Variants in TM4SF4 observed in about 807,000 individuals in gnomAD.
The protein encoded by TM4SF4 is transmembrane 4 L six family member 4.
Under a neutral mutation model 24.1 loss-of-function variants are expected in TM4SF4, and 24 were observed. The observed-to-expected ratio is 1.00, with a 90% CI of 0.72 to 1.40. The LOEUF (loss-of-function observed/expected upper bound fraction) is 1.40. Ranked by LOEUF, TM4SF4 falls within the 40% of genes most tolerant of loss-of-function variation. The probability of loss-of-function intolerance (pLI) is 0.00; values close to 1 mark genes in which losing one functional copy is unlikely to be tolerated. For synonymous variants in TM4SF4, 113 were observed against 97.0 expected, an observed-to-expected ratio of 1.17 and a Z score of -0.97; for missense variants, 254 against 254.2, an observed-to-expected ratio of 1.00 and a Z score of 0.01.
At chr3:149,490,097 G>T (rs573386075) in intron 3 of TM4SF4, among the ~76,000 whole-genome samples, 2 of 152,172 alleles carry the variant, frequency 1.3e-5, no homozygotes, top group South Asian at 4.1e-4. Context: ...TTAATCCCTT[G>T]TAAGATGTAA....
chr3:149,475,777 C>T (rs1354057810), intron 1 of TM4SF4, 46 bp from the exon 2 acceptor site: 1 of 1,532,730 alleles, frequency 6.5e-7, no homozygotes, highest in African/African-American at 1.4e-5. Flanking sequence ...CTCGGGCCCT[C>T]CCTTCAACTC....
In TM4SF4 at chr3:149,474,907, G is replaced by T. The variant is rs749729752; in HGVS notation, c.30G>T (p.Leu10=). 2 of 1,608,702 alleles carry T rather than the reference G, an allele frequency of 1.2e-6. No homozygotes were observed. The highest frequency in any genetic ancestry group is 8.5e-7 in the Non-Finnish European group (1 of 1,175,534). Residue 10 remains leucine, a synonymous_variant, in exon 1 of 5, where the codon CTG becomes CTT. Coordinates refer to ENST00000305354, the MANE Select transcript of TM4SF4 (RefSeq NM_004617.4). The stretch of plus-strand genomic sequence containing the variant: ...GCACTGGGGGCTGTGCCAGATGCCT[G>T]GGGGGGACCCTCATTCCCCTTGCTT... The part of the protein sequence containing the change: MCTGGCARC[L]GGTLIPLAFF...
At chr3:149,496,446 A>T (rs58991702) in intron 3 of TM4SF4, among the ~76,000 whole-genome samples, 1 of 152,236 alleles carries the variant, frequency 6.6e-6, no homozygotes, top group South Asian at 2.1e-4. Context: ...CAGAATTTTG[A>T]GACCCTCTAT....
intron 2 of TM4SF4, among the ~76,000 whole-genome samples, chr3:149,481,808 A>G (rs1429765859): frequency 5.9e-5 from 9 of 152,228 alleles, no homozygotes; most frequent in Non-Finnish European, 4.4e-5. Context: ...AAACATTTGC[A>G]GTGTATGCTA....
intron 3 of TM4SF4, among the ~76,000 whole-genome samples, chr3:149,491,123 T>C (rs1366149746): frequency 6.6e-6 from 1 of 151,884 alleles, no homozygotes; most frequent in Non-Finnish European, 1.5e-5. Flanking sequence ...TTCCCAGGGC[T>C]CCATGGCTAG....
At chr3:149,484,083 T>G (rs1369506982) in intron 2 of TM4SF4, among the ~76,000 whole-genome samples, 1 of 152,060 alleles carries the variant, frequency 6.6e-6, no homozygotes, top group East Asian at 1.9e-4. Flanking sequence ...GCCGGGCCCG[T>G]TTATTTTAAA....
At chr3:149,492,618 G>A (rs931010637) in intron 3 of TM4SF4, among the ~76,000 whole-genome samples, 1 of 151,920 alleles carries the variant, frequency 6.6e-6, no homozygotes, top group African/African-American at 2.4e-5. Context: ...GGAGGGACGG[G>A]GCTATGCATG....
intron 1 of TM4SF4, 125 bp downstream of exon 1, chr3:149,475,176 G>A: frequency 9.3e-7 from 1 of 1,075,806 alleles, no homozygotes; most frequent in South Asian, 1.6e-5. Context: ...ATTGCATGGT[G>A]AGAGGTCAAT....
intron 4 of TM4SF4, among the ~76,000 whole-genome samples, chr3:149,499,296 C>T (rs543026620): frequency 1.3e-5 from 2 of 152,286 alleles, no homozygotes; most frequent in African/African-American, 2.4e-5. Flanking sequence ...TAGTACATCA[C>T]GGTCTGGGCT....
chr3:149,482,758 G>A (rs1274313262), intron 2 of TM4SF4, among the ~76,000 whole-genome samples: 1 of 152,124 alleles, frequency 6.6e-6, no homozygotes, highest in Non-Finnish European at 1.5e-5. Context: ...TGGCCAGGCT[G>A]GTCTCGAACT....
At chr3:149,492,778 T>C (rs1011607740) in intron 3 of TM4SF4, among the ~76,000 whole-genome samples, 2 of 152,004 alleles carry the variant, frequency 1.3e-5, no homozygotes, top group African/African-American at 4.8e-5. Context: ...CCATCTGGAT[T>C]TGCACTTCAG....
chr3:149,476,714 T>A lies in TM4SF4; in HGVS notation c.264+802T>A, dbSNP rs72996026. ...AATGTCATTCCCATTCAATTCTCCTTCAATCCTTTTGAATCTATCAATCTA... is the reference window on the plus strand; with the variant it reads ...AATGTCATTCCCATTCAATTCTCCTACAATCCTTTTGAATCTATCAATCTA... On this transcript the variant is annotated intron_variant, in intron 2 of 4. Transcript: ENST00000305354. Among the ~76,000 whole-genome samples, 943 of 152,286 alleles carry A rather than the reference T, an allele frequency of 6.2e-3. 6 individuals carry two copies. Among genetic ancestry groups the A allele is most frequent in the African/African-American group, 0.021 (859 of 41,556 alleles).
intron 1 of TM4SF4, 97 bp downstream of exon 1, chr3:149,475,148 G>T: frequency 1.5e-6 from 2 of 1,317,704 alleles, no homozygotes; most frequent in East Asian, 5.0e-5. Context: ...ATATTTAGTT[G>T]GTAATAGAAG....
chr3:149,493,579 T>C (rs1178265232), intron 3 of TM4SF4, among the ~76,000 whole-genome samples: 1 of 152,202 alleles, frequency 6.6e-6, no homozygotes, highest in African/African-American at 2.4e-5. Flanking sequence ...GGAAAGATGA[T>C]GGAAAGCAGC....
chr3:149,495,034 C>A, intron 3 of TM4SF4: 1 of 232,564 alleles, frequency 4.3e-6, no homozygotes, highest in Non-Finnish European at 8.7e-6. Flanking sequence ...TCTCCATGGG[C>A]AGACCCATGA....
Position 149,498,931 on chromosome 3 carries a change from G to A in TM4SF4, c.591+20G>A, listed in dbSNP as rs1363751293. On this transcript the variant is annotated intron_variant, in intron 4 of 4. Coordinates refer to ENST00000305354, the MANE Select transcript of TM4SF4 (RefSeq NM_004617.4). Reference sequence around the variant, plus strand: ...TGTGGGGTAAGTTCAGGCTTTTGCTGTTTCTTCTCAGCATGAGGGAGGCCA... The same window carrying A: ...TGTGGGGTAAGTTCAGGCTTTTGCTATTTCTTCTCAGCATGAGGGAGGCCA... 2 of 1,612,940 alleles carry A rather than the reference G, an allele frequency of 1.2e-6. No homozygotes were observed. The highest frequency in any genetic ancestry group is 2.2e-5 in the East Asian group (1 of 44,860).
rs116684741 is a variant in TM4SF4 at position 149,488,452 on chromosome 3, G to A, written c.401+697G>A. ...AGGACAGTGCCAGGGCTCAAACTCA[G>A]GACTTCTGACTTCAAGTCTTAGCCT... is the stretch of plus-strand genomic sequence containing the variant. On this transcript the variant is annotated intron_variant, in intron 3 of 4. Transcript: ENST00000305354. 3.5e-3 allele frequency among the ~76,000 whole-genome samples: 534 copies of A among 152,314 alleles called. 5 individuals carry two copies. Among genetic ancestry groups the A allele is most frequent in the African/African-American group, 0.012 (519 of 41,578 alleles).
intron 4 of TM4SF4, among the ~76,000 whole-genome samples, chr3:149,501,021 CAAAA>C (rs56017202): frequency 9.5e-6 from 1 of 105,782 alleles, no homozygotes; most frequent in African/African-American, 3.5e-5. Context: ...AAGACCTTTC[CAAAA>C]AAAAAAAAAA....
At chr3:149,485,648 G>A (rs1416522068) in intron 2 of TM4SF4, among the ~76,000 whole-genome samples, 1 of 151,374 alleles carries the variant, frequency 6.6e-6, no homozygotes, top group Non-Finnish European at 1.5e-5. Context: ...CTAAGCATTA[G>A]TTGGGCATGG....
Sources: allele counts gnomAD v4.1 joint callset (sites outside exome capture counted in the v4.1 genomes callset), GRCh38; gene constraint gnomAD v4.1.1; transcripts MANE v1.5; gene names NCBI Gene and HGNC (gene_info 2026-07-23, HGNC 2026-07-21).